The following ZFHX3 variants were observed in gnomAD, a reference collection of about 807,000 sequenced individuals.
The protein encoded by ZFHX3 is zinc finger homeobox protein 3.
ZFHX3 carries 42 observed loss-of-function variants against 279.1 expected under a neutral mutation model. The ratio of observed to expected loss-of-function variants is 0.15; its 90% CI spans 0.12 to 0.19. The LOEUF (loss-of-function observed/expected upper bound fraction) is 0.19, where lower values mean the gene tolerates loss of function less well. Among genes scored for constraint, ZFHX3 ranks in the 10% least tolerant of loss-of-function variants. The pLI, the probability that ZFHX3 is intolerant of heterozygous loss-of-function variation, is 1.00. For synonymous variants in ZFHX3, 2,293 were observed against 1,957.8 expected, an observed-to-expected ratio of 1.17 and a Z score of -4.52; for missense variants, 4,981 against 4,754.0, an observed-to-expected ratio of 1.05 and a Z score of -1.40.
At chr16:72,848,320 G>A (rs1006977208) in intron 4 of ZFHX3, among the ~76,000 whole-genome samples, 11 of 152,054 alleles carry the variant, frequency 7.2e-5, no homozygotes, top group Admixed American at 4.6e-4. Context: ...GCCTATTCAC[G>A]AGCCCTATTG....
intron 5 of ZFHX3, among the ~76,000 whole-genome samples, chr16:73,213,626 A>G (rs1380976570): frequency 6.6e-6 from 1 of 152,228 alleles, no homozygotes; most frequent in African/African-American, 2.4e-5. Context: ...TTCAGGGGGT[A>G]AGTGCATGAT....
chr16:72,822,975 CTA>C (rs1191629436), intron 5 of ZFHX3, among the ~76,000 whole-genome samples: 2 of 152,114 alleles, frequency 1.3e-5, no homozygotes, highest in African/African-American at 4.8e-5. Flanking sequence ...CAGCCTGTAT[CTA>C]TTTTGGCTTC....
At chr16:72,812,579 G>A (rs2036491647) in intron 5 of ZFHX3, among the ~76,000 whole-genome samples, 1 of 152,156 alleles carries the variant, frequency 6.6e-6, no homozygotes, top group Non-Finnish European at 1.5e-5. Flanking sequence ...CCAAATATGT[G>A]GGGGAAAAAA....
intron 1 of ZFHX3, among the ~76,000 whole-genome samples, chr16:73,782,078 G>C (rs1018309544): frequency 6.6e-6 from 1 of 152,246 alleles, no homozygotes; most frequent in African/African-American, 2.4e-5. Context: ...CCATTGCCCA[G>C]TGCAGAGTTC....
At chr16:73,421,331 T>C (rs1404251486) in intron 3 of ZFHX3, 2 of 152,246 alleles carry the variant, frequency 1.3e-5, no homozygotes, top group Non-Finnish European at 2.9e-5. Flanking sequence ...TTGTACAAAA[T>C]ATTTTAAACA....
chr16:73,430,090 A>C (rs1000804630), intron 3 of ZFHX3, among the ~76,000 whole-genome samples: 6 of 151,738 alleles, frequency 4.0e-5, no homozygotes, highest in Non-Finnish European at 7.4e-5. Context: ...GGGTCTTGCT[A>C]TGTTGCCCAG....
At chr16:73,690,553 CA>C (rs1045028832) in intron 1 of ZFHX3, among the ~76,000 whole-genome samples, 4 of 152,336 alleles carry the variant, frequency 2.6e-5, no homozygotes, top group Middle Eastern at 3.4e-3. Flanking sequence ...TCCCTTCATG[CA>C]CTCCCTTTGC....
At chr16:72,967,087 C>T (rs1961876969) in intron 1 of ZFHX3, among the ~76,000 whole-genome samples, 1 of 152,206 alleles carries the variant, frequency 6.6e-6, no homozygotes, top group Admixed American at 6.5e-5. Context: ...CTGAGTCCTC[C>T]ACATCTGACA....
At chr16:72,868,735 GCA>G (rs1258403163) in intron 4 of ZFHX3, among the ~76,000 whole-genome samples, 1 of 152,198 alleles carries the variant, frequency 6.6e-6, no homozygotes, top group Non-Finnish European at 1.5e-5. Context: ...GATTCCTCAG[GCA>G]CAGAGAGCCT....
chr16:73,877,187 T>G (rs2029976824), intron 1 of ZFHX3, among the ~76,000 whole-genome samples: 2 of 90,944 alleles, frequency 2.2e-5, no homozygotes, highest in Admixed American at 1.2e-4. Context: ...GATGGTTGGG[T>G]TCGGGGGGTT....
chr16:73,012,887 G>C (rs1963963638), intron 1 of ZFHX3, among the ~76,000 whole-genome samples: 1 of 152,132 alleles, frequency 6.6e-6, no homozygotes, highest in Admixed American at 6.5e-5. Flanking sequence ...CATAGTATCA[G>C]AGGCCAGCCA....
exon 1 of ZFHX3, chr16:73,058,968 C>T: frequency 5.9e-6 from 1 of 170,744 alleles, no homozygotes; most frequent in South Asian, 1.3e-4. Flanking sequence ...GAGGCGGCGG[C>T]GGTGGCGGCT....
At chr16:73,642,173 A>C (rs1381428286) in intron 2 of ZFHX3, among the ~76,000 whole-genome samples, 1 of 152,200 alleles carries the variant, frequency 6.6e-6, no homozygotes, top group Non-Finnish European at 1.5e-5. Context: ...TCTGATTCCC[A>C]GTGGAACTCT....
At chr16:73,876,483 A>T (rs1262370221) in intron 1 of ZFHX3, among the ~76,000 whole-genome samples, 1 of 152,220 alleles carries the variant, frequency 6.6e-6, no homozygotes, top group African/African-American at 2.4e-5. Context: ...AGATCCACAT[A>T]TGGGGTATAT....
intron 7 of ZFHX3, chr16:73,127,063 G>C (rs916386569): frequency 2.0e-5 from 5 of 251,068 alleles, no homozygotes; most frequent in African/African-American, 1.1e-4. Context: ...ATTTCAGCTT[G>C]TCTAAGAGAC....
chr16:73,029,407 A>G (rs1212148488), intron 1 of ZFHX3, among the ~76,000 whole-genome samples: 1 of 152,186 alleles, frequency 6.6e-6, no homozygotes, highest in Non-Finnish European at 1.5e-5. Context: ...GGGACACAAG[A>G]GCCTCCTAAA....
At chr16:73,289,572 T>G (rs1382603530) in intron 4 of ZFHX3, among the ~76,000 whole-genome samples, 1 of 152,036 alleles carries the variant, frequency 6.6e-6, no homozygotes, top group African/African-American at 2.4e-5. Flanking sequence ...AATCCACAGC[T>G]GAGGTCCTAG....
chr16:73,713,722 T>C (rs1292497828), intron 1 of ZFHX3, among the ~76,000 whole-genome samples: 1 of 152,086 alleles, frequency 6.6e-6, no homozygotes, highest in Non-Finnish European at 1.5e-5. Flanking sequence ...ACAAATTCCA[T>C]TGATCTCAGG....
chr16:73,581,769 C>G (rs1334887358), intron 2 of ZFHX3, among the ~76,000 whole-genome samples: 1 of 140,440 alleles, frequency 7.1e-6, no homozygotes, highest in African/African-American at 2.7e-5. Context: ...CTCCCGGGTT[C>G]AACCGATTTT....
Sources: allele counts gnomAD v4.1 joint callset (sites outside exome capture counted in the v4.1 genomes callset), GRCh38; gene constraint gnomAD v4.1.1; transcripts MANE v1.5; gene names NCBI Gene and HGNC (gene_info 2026-07-23, HGNC 2026-07-21).